Variants in BEST2 observed in about 807,000 individuals in gnomAD.
BEST2 encodes the protein bestrophin 2, also known as bestrophin-2a.
In BEST2, 36 loss-of-function variants were observed where a neutral mutation model predicts 49.0. The ratio of observed to expected loss-of-function variants is 0.73; its 90% CI spans 0.56 to 0.97. The LOEUF is 0.97. Among genes scored for constraint, BEST2 ranks in the 50% least tolerant of loss-of-function variants. The probability of loss-of-function intolerance (pLI) is 0.00; values close to 1 mark genes in which losing one functional copy is unlikely to be tolerated. For synonymous variants in BEST2, 335 were observed against 304.4 expected, an observed-to-expected ratio of 1.10 and a Z score of -1.05; for missense variants, 672 against 710.0, an observed-to-expected ratio of 0.95 and a Z score of 0.61.
intron 8 of BEST2, 59 bp from the exon 9 acceptor site, chr19:12,756,082 C>T: frequency 1.9e-6 from 3 of 1,609,674 alleles, no homozygotes; most frequent in East Asian, 2.2e-5. Context: ...AAGGGGTCCA[C>T]CCTGTGGTCC....
At chr19:12,756,008 C>A in intron 8 of BEST2, 73 bp downstream of exon 8, 1 of 1,589,892 alleles carries the variant, frequency 6.3e-7, no homozygotes, top group Non-Finnish European at 8.6e-7. Flanking sequence ...TCTGGTCCCA[C>A]CCCTGCCAAG....
rs995275607 is a variant in BEST2, at chr19:12,757,698, G to A, written c.1151G>A (p.Gly384Glu). Residue 384 changes from glycine (G) to glutamate (E), a missense_variant, in exon 10 of 10, where the codon GGA (glycine) becomes GAA (glutamate). This residue lies in a region of BEST2 where 291 missense variants were observed against 279.8 expected (regional missense o/e 1.04). Transcript: ENST00000553030. The stretch of plus-strand genomic sequence containing the variant: ...TTCCAGCGGCTGGACGGCTTGGATG[G>A]ACCGATGGGAGAGGCGCCCGGCGAC... ...MQFQRLDGLD[G>E]PMGEAPGDFL... 6 of 1,546,106 alleles carry A rather than the reference G, an allele frequency of 3.9e-6. No individual in the cohort carries two copies. Among genetic ancestry groups the A allele is most frequent in the African/African-American group, 1.4e-5 (1 of 73,046 alleles).
chr19:12,755,037 C>T lies in BEST2; in HGVS notation c.636+6C>T, dbSNP rs1379847744. On this transcript the variant is annotated splice_donor_region_variant and intron_variant, in intron 5 of 9. Coordinates refer to ENST00000553030, the MANE Select transcript of BEST2 (RefSeq NM_017682.3). The surrounding 1 kb of genome is among the most constrained non-coding windows in gnomAD (Gnocchi z 4.4). ...CCCTTAAGCTGCTGCTCGAGGTGGG[C>T]CCAACCAGGAGGTCATTCATATAGA... 2 of 1,593,204 alleles carry T rather than the reference C, an allele frequency of 1.3e-6. No homozygotes were observed. The highest frequency in any genetic ancestry group is 2.2e-5 in the East Asian group (1 of 44,706).
rs200734846 is a variant in BEST2, at chr19:12,755,626, C to T, written c.726C>T (p.Ile242=). Residue 242 remains isoleucine, a synonymous_variant, in exon 7 of 10, where the codon ATC becomes ATT. Coordinates refer to ENST00000553030, the MANE Select transcript of BEST2 (RefSeq NM_017682.3). The surrounding 1 kb of genome is among the most constrained non-coding windows in gnomAD (Gnocchi z 4.4). The part of the protein sequence containing the change: ...VPLVYTQVVT[I]ALYSYFLACL... ...CCCGCCCTGCCCAGGTGGTGACCAT[C>T]GCACTGTACAGCTACTTCCTGGCTT... is the stretch of plus-strand genomic sequence containing the variant. 22 of 1,613,854 alleles carry T rather than the reference C, an allele frequency of 1.4e-5. No homozygotes were observed. In the African/African-American group the frequency reaches 1.7e-4, roughly 13 times the overall value.
Position 12,752,620 on chromosome 19 carries a change from G to A in BEST2, c.28G>A (p.Ala10Thr). The part of the protein sequence containing the change: MTVTYTARV[A>T]NARFGGFSQL... ...GACCGTCACCTACACAGCCCGAGTG[G>A]CGAACGCCCGCTTCGGTGGCTTCTC... is the stretch of plus-strand genomic sequence containing the variant. Residue 10 changes from alanine to threonine, a missense_variant, in exon 2 of 10, where the codon GCG (alanine) becomes ACG (threonine). Around this residue, in one of 3 missense-constraint regions of BEST2, gnomAD observed 365 missense variants for 390.9 expected, o/e 0.93. Coordinates refer to ENST00000553030, the MANE Select transcript of BEST2 (RefSeq NM_017682.3). 1.2e-6 allele frequency: 2 copies of A among 1,612,204 alleles called. No individual in the cohort carries two copies. The highest frequency in any genetic ancestry group is 1.7e-6 in the Non-Finnish European group (2 of 1,179,776).
intron 2 of BEST2, 63 bp downstream of exon 2, chr19:12,752,807 T>TA (rs1967887001): frequency 9.2e-7 from 1 of 1,087,028 alleles, no homozygotes; most frequent in Non-Finnish European, 1.2e-6. Flanking sequence ...ATATATATAA[T>TA]ATATAAAAAT....
rs941543216 is a variant in BEST2, at chr19:12,758,453, C to G, written c.*376C>G. The stretch of plus-strand genomic sequence containing the variant: ...CTCAATAAATTGCTAGTGATTTTTA[C>G]TCAAACGTTGTTAGTCTGATTTCTC... On this transcript the variant is annotated 3_prime_UTR_variant, in exon 10 of 10. Transcript: ENST00000553030. 1.8e-5 allele frequency: 4 copies of G among 227,582 alleles called. No homozygotes were observed. The highest frequency in any genetic ancestry group is 3.4e-5 in the Non-Finnish European group (4 of 118,290). 14.1% of individuals were successfully genotyped at this position (227,582 alleles called of 1,614,324 possible). A position where few individuals can be genotyped will look rare whatever the true frequency, so the allele number is the denominator to read the frequency against.
Position 12,756,088 on chromosome 19 carries a change from G to T in BEST2, c.949-53G>T, listed in dbSNP as rs2053493885. On this transcript the variant is annotated intron_variant, in intron 8 of 9. Coordinates refer to ENST00000553030, the MANE Select transcript of BEST2 (RefSeq NM_017682.3). The stretch of plus-strand genomic sequence containing the variant: ...ACCCACCCGAAGGGGTCCACCCTGT[G>T]GTCCCGGCGGGTTGCCCTGCCCCCA... The T allele has an allele frequency of 1.9e-6, 3 of 1,610,454 alleles. No homozygotes were observed. In the Admixed American group the frequency reaches 5.0e-5, roughly 27 times the overall value.
In BEST2 at chr19:12,756,217, A is replaced by C. The variant is rs1440428384; in HGVS notation, c.1025A>C (p.Glu342Ala). ...AAGGACTTGTACTGGGATGCAGCCG[A>C]GGCTCGCGCCCCATACACAGCGGCT... is the stretch of plus-strand genomic sequence containing the variant. ...LEKDLYWDAA[E>A]ARAPYTAATV... The change falls in exon 9 of 10, where the codon GAG becomes GCG. Residue 342 changes from glutamate to alanine, a missense_variant. Glu to Ala is a moderately radical substitution (Grantham distance 107). Transcript: ENST00000553030. The C allele has an allele frequency of 6.2e-7, 1 of 1,614,210 alleles. No homozygotes were observed. Among genetic ancestry groups the C allele is most frequent in the Non-Finnish European group, 8.5e-7 (1 of 1,180,034 alleles).
rs763379973 is a variant in BEST2 at position 12,757,947 on chromosome 19, G to C, written c.1400G>C (p.Gly467Ala). 2 of 1,592,498 alleles carry C rather than the reference G, an allele frequency of 1.3e-6. No individual in the cohort carries two copies. Among genetic ancestry groups the C allele is most frequent in the South Asian group, 1.1e-5 (1 of 88,280 alleles). Residue 467 changes from glycine to alanine, a missense_variant, in exon 10 of 10, where the codon GGT becomes GCT. Gly to Ala is a moderately conservative substitution (Grantham distance 60). Around this residue, in one of 3 missense-constraint regions of BEST2, gnomAD observed 291 missense variants for 279.8 expected, o/e 1.04. Coordinates refer to ENST00000553030, the MANE Select transcript of BEST2 (RefSeq NM_017682.3). Reference sequence around the variant, plus strand: ...GAGCCCGAGGCCCCGCCCCCTGCGGGTCCCGAACCGCTTACCCTCATCCCT... The same window carrying C: ...GAGCCCGAGGCCCCGCCCCCTGCGGCTCCCGAACCGCTTACCCTCATCCCT... ...LPEPEAPPPAGPEPLTLIPGP... is the reference protein window; with the variant it reads ...LPEPEAPPPAAPEPLTLIPGP...
rs879005471 is a variant in BEST2, at chr19:12,754,543, C to T, written c.248-9C>T. The T allele has an allele frequency of 4.0e-6, 6 of 1,493,416 alleles. No individual in the cohort carries two copies. The highest frequency in any genetic ancestry group is 3.6e-6 in the Non-Finnish European group (4 of 1,112,886). The allele number at this position is 1,493,416 out of a possible 1,614,324, so 92.5% of individuals were successfully genotyped here. A position where few individuals can be genotyped will look rare whatever the true frequency, so the allele number is the denominator to read the frequency against. Reference sequence around the variant, plus strand: ...CCCCACTGAGCCCCCATTCCCCGCTCCCCTGCAGGCTTTTATGTGACGCTG... The same window carrying T: ...CCCCACTGAGCCCCCATTCCCCGCTTCCCTGCAGGCTTTTATGTGACGCTG... On this transcript the variant is annotated splice_polypyrimidine_tract_variant and intron_variant, in intron 3 of 9. Transcript: ENST00000553030.
In BEST2 at chr19:12,756,200, G is replaced by C. The variant is rs774588558; in HGVS notation, c.1008G>C (p.Leu336Phe). The C allele has an allele frequency of 6.2e-7, 1 of 1,614,248 alleles. No homozygotes were observed. Among genetic ancestry groups the C allele is most frequent in the Non-Finnish European group, 8.5e-7 (1 of 1,180,048 alleles). ...ACCTGGCTGTGCTGGAGAAGGACTT[G>C]TACTGGGATGCAGCCGAGGCTCGCG... ...YDDLAVLEKD[L>F]YWDAAEARAP... The change falls in exon 9 of 10, where the codon TTG becomes TTC. Residue 336 changes from leucine (L) to phenylalanine (F), a missense_variant. Transcript: ENST00000553030.
At position 12,755,968 on chromosome 19, in the gene BEST2, T is replaced by A; in HGVS notation, c.948+33T>A. On this transcript the variant is annotated intron_variant, in intron 8 of 9. Transcript: ENST00000553030. The surrounding 1 kb of genome is among the most constrained non-coding windows in gnomAD (Gnocchi z 4.4). Reference sequence around the variant, plus strand: ...TCAGTTTCCAGGTGAGACTTCCAGGTGGCGACCATCCCGGAGTGCCCAACA... The same window carrying A: ...TCAGTTTCCAGGTGAGACTTCCAGGAGGCGACCATCCCGGAGTGCCCAACA... The A allele has an allele frequency of 6.2e-7, 1 of 1,607,742 alleles. No homozygotes were observed. The highest frequency in any genetic ancestry group is 2.2e-5 in the East Asian group (1 of 44,858).
At chr19:12,752,408 G>A (rs1231681341) in intron 1 of BEST2, 134 bp from the exon 2 acceptor site, 23 of 569,978 alleles carry the variant, frequency 4.0e-5, no homozygotes, top group South Asian at 3.5e-4. Context: ...GGCACTGGGG[G>A]CTGGACTAGA....
chr19:12,752,034 T>G, intron 1 of BEST2, 195 bp downstream of exon 1: 3 of 147,884 alleles, frequency 2.0e-5, no homozygotes, highest in African/African-American at 5.1e-5. Flanking sequence ...AAGCAGAAGG[T>G]GCACAGGCTG....
At chr19:12,753,043 GT>G (rs1387764468) in intron 2 of BEST2, among the ~76,000 whole-genome samples, 5 of 151,962 alleles carry the variant, frequency 3.3e-5, no homozygotes, top group African/African-American at 4.8e-5. Context: ...TAGAGATGGG[GT>G]TTCACCGTGT....
chr19:12,758,116 T>A lies in BEST2; in HGVS notation c.*39T>A, dbSNP rs757158882. The A allele has an allele frequency of 1.0e-4, 162 of 1,599,524 alleles. No individual in the cohort carries two copies. The highest frequency in any genetic ancestry group is 1.9e-4 in the Admixed American group (11 of 56,922). On this transcript the variant is annotated 3_prime_UTR_variant, in exon 10 of 10. Transcript: ENST00000553030. ...AGCCCCCTAAGGACAGGGAACCAGG[T>A]CCCTGCACGGCACCCACGCAGGTGT...
rs754484727 is a variant in BEST2 at position 12,754,938 on chromosome 19, C to T, written c.543C>T (p.Tyr181=). ...FENLNSSYNK[Y]WVPCVWFSNL... is the part of the protein sequence containing the mutation. ...ACCTGAACTCATCCTACAACAAGTA[C>T]TGGGTGCCCTGCGTCTGGTTCTCCA... The change falls in exon 5 of 10, where the codon TAC becomes TAT. Residue 181 remains tyrosine (Y), a synonymous_variant. Transcript: ENST00000553030. 4.8e-5 allele frequency: 78 copies of T among 1,613,826 alleles called. No individual in the cohort carries two copies. The highest frequency in any genetic ancestry group is 6.2e-5 in the Non-Finnish European group (73 of 1,179,938).
intron 9 of BEST2, chr19:12,756,521 T>C (rs1967946170): frequency 1.7e-6 from 1 of 595,280 alleles, no homozygotes; most frequent in Non-Finnish European, 2.9e-6. Flanking sequence ...TCAGCGAGGA[T>C]CAGACCGGTC....
Sources: gnomAD v4.1 joint callset for allele counts (sites outside exome capture counted in the v4.1 genomes callset) on GRCh38, gnomAD v4.1.1 for gene constraint, gnomAD v4.1.1 regional missense constraint, Gnocchi (gnomAD v3.1) non-coding constraint, MANE v1.5 for transcripts, NCBI Gene and HGNC (gene_info 2026-07-23, HGNC 2026-07-21) for gene names.